The following OR1L8 variants were observed in gnomAD, a reference collection of about 807,000 sequenced individuals.
OR1L8 encodes olfactory receptor family 1 subfamily L member 8, also known as olfactory receptor 1L8.
For missense variants in OR1L8, 330 were observed against 377.4 expected, an observed-to-expected ratio of 0.87 and a Z score of 1.04; for synonymous variants, 148 against 147.0, an observed-to-expected ratio of 1.01 and a Z score of -0.05.
At chr9:122,570,582 C>T (rs1395197778) in intron 4 of OR1L8, among the ~76,000 whole-genome samples, 1 of 152,172 alleles carries the variant, frequency 6.6e-6, no homozygotes, top group East Asian at 1.9e-4. Flanking sequence ...ATTTGAAAGA[C>T]TTAAAAGAGG....
At chr9:122,558,311 C>CTTTTT in the OR1L8 span, among the ~76,000 whole-genome samples, 38 of 34,474 alleles carry the variant, frequency 1.1e-3, 8 homozygotes, top group Non-Finnish European at 1.5e-3. Context: ...TTGGATTTTG[C>CTTTTT]TTTTTTTTTT....
At chr9:122,548,490 C>T in the OR1L8 span, among the ~76,000 whole-genome samples, 1 of 152,122 alleles carries the variant, frequency 6.6e-6, no homozygotes. Context: ...GCCTTCAACT[C>T]AAAATAGTCA....
downstream of OR1L8, among the ~76,000 whole-genome samples, chr9:122,562,802 A>T (rs1829373705): frequency 6.6e-6 from 1 of 152,098 alleles, no homozygotes; most frequent in African/African-American, 2.4e-5. Flanking sequence ...TTTATTTAAC[A>T]TAATGTCGAC....
chr9:122,574,379 T>C (rs1470796301), intron 3 of OR1L8, among the ~76,000 whole-genome samples: 2 of 152,180 alleles, frequency 1.3e-5, no homozygotes, highest in African/African-American at 4.8e-5. Context: ...CATCATGGTT[T>C]TGTGGTAACC....
chr9:122,576,685 T>C (rs184410034), intron 3 of OR1L8, 81 bp downstream of exon 3: 1 of 152,356 alleles, frequency 6.6e-6, no homozygotes, highest in African/African-American at 2.4e-5. Context: ...CTATGACTGG[T>C]TCCCCCTAGA....
intron 3 of OR1L8, among the ~76,000 whole-genome samples, chr9:122,574,187 G>A (rs568687125): frequency 6.6e-6 from 1 of 152,010 alleles, no homozygotes. Context: ...TGGCTACTCT[G>A]GGTCTTTTGC....
chr9:122,554,108 C>T, the OR1L8 span: 1 of 1,613,636 alleles, frequency 6.2e-7, no homozygotes. Context: ...GGAACAGAGA[C>T]ATGAAGGAGG....
chr9:122,555,197 A>G, the OR1L8 span, among the ~76,000 whole-genome samples: 1 of 152,192 alleles, frequency 6.6e-6, no homozygotes, highest in Non-Finnish European at 1.5e-5. Flanking sequence ...TCTGAGATCA[A>G]GTTCATCCGG....
chr9:122,571,859 G>T (rs1340719294), intron 4 of OR1L8, among the ~76,000 whole-genome samples: 1 of 152,124 alleles, frequency 6.6e-6, no homozygotes, highest in African/African-American at 2.4e-5. Context: ...GCTGATTCCT[G>T]ATGTTTTATG....
rs1829467084 is a variant in OR1L8 at position 122,568,047 on chromosome 9, A to C, written c.431T>G (p.Leu144Arg). The stretch of plus-strand genomic sequence containing the variant: ...AAATGAGCAGGAGAAGGCCACCAGC[A>C]GGACACAGTGGTGGTGGCTCATGGT... ...VTTMSHHHCV[L>R]LVAFSCSFPH... The change falls in exon 5 of 5, where the codon CTG (leucine) becomes CGG (arginine). Residue 144 changes from leucine (L) to arginine (R), a missense_variant. By Grantham distance (102) the Leu-to-Arg change is moderately radical. Coordinates refer to ENST00000641027, the MANE Select transcript of OR1L8 (RefSeq NM_001004454.2). 1 of 1,613,984 alleles carries C rather than the reference A, an allele frequency of 6.2e-7. No homozygotes were observed. Among genetic ancestry groups the C allele is most frequent in the African/African-American group, 1.3e-5 (1 of 75,004 alleles).
At chr9:122,552,549 G>C in the OR1L8 span, among the ~76,000 whole-genome samples, 4 of 152,122 alleles carry the variant, frequency 2.6e-5, no homozygotes, top group South Asian at 8.3e-4. Flanking sequence ...GTGTGTGTGG[G>C]AGGGAACATC....
At chr9:122,559,054 A>G in the OR1L8 span, among the ~76,000 whole-genome samples, 1 of 152,080 alleles carries the variant, frequency 6.6e-6, no homozygotes, top group African/African-American at 2.4e-5. Context: ...TTGAGGTGAG[A>G]ACATTCACAA....
At position 122,583,372 on chromosome 9, in the gene OR1L8, C is replaced by T. The variant is rs969830043; in HGVS notation, c.-651G>A. On this transcript the variant is annotated 5_prime_UTR_variant, in exon 1 of 5. Transcript: ENST00000641027. ...ATGACTGAATATAATATAATATCCT[C>T]GATGGGATCCTGGAACACAAAAAAA... 2.0e-5 allele frequency: 3 copies of T among 151,616 alleles called. No homozygotes were observed. Among genetic ancestry groups the T allele is most frequent in the African/African-American group, 4.8e-5 (2 of 41,298 alleles). 9.4% of individuals were successfully genotyped at this position (151,616 alleles called of 1,614,324 possible).
At chr9:122,561,786 A>C in the OR1L8 span, among the ~76,000 whole-genome samples, 726 of 152,286 alleles carry the variant, frequency 4.8e-3, 4 homozygotes, top group Non-Finnish European at 7.2e-3. Flanking sequence ...AATGTCTGAC[A>C]ACCCCTGTTG....
chr9:122,564,247 G>A (rs1485116832), downstream of OR1L8, among the ~76,000 whole-genome samples: 3 of 152,120 alleles, frequency 2.0e-5, no homozygotes, highest in Admixed American at 6.5e-5. Flanking sequence ...GTGTCCACTC[G>A]ATCCCAAAAC....
the OR1L8 span, among the ~76,000 whole-genome samples, chr9:122,548,507 C>T: frequency 6.6e-6 from 1 of 151,976 alleles, no homozygotes; most frequent in African/African-American, 2.4e-5. Flanking sequence ...GTCATTATGC[C>T]AAAGTGACTC....
chr9:122,553,670 G>A, the OR1L8 span: 1 of 1,614,116 alleles, frequency 6.2e-7, no homozygotes, highest in Non-Finnish European at 8.5e-7. Context: ...TGTGCTGGGT[G>A]CTAACCAACT....
chr9:122,560,282 A>C, the OR1L8 span, among the ~76,000 whole-genome samples: 1 of 151,920 alleles, frequency 6.6e-6, no homozygotes, highest in Non-Finnish European at 1.5e-5. Flanking sequence ...CTCTTTATCC[A>C]GTTTGCCAGT....
intron 4 of OR1L8, among the ~76,000 whole-genome samples, chr9:122,571,547 C>CAA (rs59592725): frequency 2.4e-4 from 31 of 126,876 alleles, no homozygotes; most frequent in African/African-American, 8.1e-4. Flanking sequence ...CAGACTGTCT[C>CAA]AAAAAAAAAA....
Sources: gnomAD v4.1 joint callset for allele counts (sites outside exome capture counted in the v4.1 genomes callset) on GRCh38, gnomAD v4.1.1 for gene constraint, MANE v1.5 for transcripts, NCBI Gene and HGNC (gene_info 2026-07-23, HGNC 2026-07-21) for gene names.